Variants in GSG1L2 observed in about 807,000 individuals in gnomAD.
The protein encoded by GSG1L2 is GSG1 like 2, also known as germ cell-specific gene 1-like protein 2.
GSG1L2 carries 15 observed loss-of-function variants against 9.0 expected under a neutral mutation model. That is an observed-to-expected ratio of 1.67 (90% confidence interval 1.12 to 2.57). The LOEUF (loss-of-function observed/expected upper bound fraction) is 2.57. GSG1L2 is among the 30% of genes most tolerant of loss of function. GSG1L2 has a pLI of 0.00. For missense variants in GSG1L2, 286 were observed against 150.3 expected (o/e 1.90, Z -4.72); for synonymous variants, 127 against 57.9 (o/e 2.19, Z -5.41).
chr17:9,808,764 A>T, intron 3 of GSG1L2, 66 bp downstream of exon 3: 1 of 685,434 alleles, frequency 1.5e-6, no homozygotes, highest in Non-Finnish European at 2.7e-6. Flanking sequence ...GGTAATGAGC[A>T]TGTCCAGTCT....
chr17:9,807,200 A>G (rs8065640), intron 4 of GSG1L2, among the ~76,000 whole-genome samples: 113,504 of 152,058 alleles, frequency 0.75, 43,005 homozygotes, highest in East Asian at 0.91. Flanking sequence ...CCCACACTGT[A>G]TTTAAGAACT....
At chr17:9,811,281 G>T (rs376785474) in intron 1 of GSG1L2, among the ~76,000 whole-genome samples, 1 of 152,276 alleles carries the variant, frequency 6.6e-6, no homozygotes, top group East Asian at 1.9e-4. Context: ...TCACGCATTC[G>T]CTTGCATTCC....
At position 9,812,226 on chromosome 17, in the gene GSG1L2, A is replaced by G. The variant is rs140022976; in HGVS notation, c.311-1608T>C. Among the ~76,000 whole-genome samples the G allele has an allele frequency of 6.2e-4, 95 of 152,312 alleles. 1 individual carries two copies. The East Asian group carries it at 0.01, about 17-fold the overall frequency. On this transcript the variant is annotated intron_variant, in intron 1 of 4. Transcript: ENST00000399363. ...CTACCATTGCTGGAAGATTCCAGGA[A>G]CAGAGGGAGTTTAGGGAGCATCTGT...
At chr17:9,810,702 G>A in intron 1 of GSG1L2, 84 bp from the exon 2 acceptor site, 1 of 697,606 alleles carries the variant, frequency 1.4e-6, no homozygotes, top group Admixed American at 2.0e-5. Context: ...CCCTTAACTG[G>A]ATGAGGAATG....
Position 9,802,663 on chromosome 17 carries a change from G to C in GSG1L2, c.624-19C>G, listed in dbSNP as rs370714827. 2.8e-6 allele frequency: 2 copies of C among 702,054 alleles called. No homozygotes were observed. The highest frequency in any genetic ancestry group is 5.2e-6 in the Non-Finnish European group (2 of 384,468). The allele number at this position is 702,054 out of a possible 1,614,324, so 43.5% of individuals were successfully genotyped here. ...GGCAAGGCTGTCAACAGAAGGCACCGTTAGGAAAGGGCTGAGGGCTGTGAT... is the reference window on the plus strand; with the variant it reads ...GGCAAGGCTGTCAACAGAAGGCACCCTTAGGAAAGGGCTGAGGGCTGTGAT... On this transcript the variant is annotated intron_variant, in intron 4 of 4. Transcript: ENST00000399363.
Position 9,817,070 on chromosome 17 carries a change from C to T in GSG1L2, c.310+4692G>A, listed in dbSNP as rs565904190. Among the ~76,000 whole-genome samples, 3 of 143,848 alleles carry T rather than the reference C, an allele frequency of 2.1e-5. No individual in the cohort carries two copies. The South Asian group carries it at 7.3e-4, about 35-fold the overall frequency. The allele number at this position is 143,848 out of a possible 152,430, so 94.4% of individuals were successfully genotyped here. On this transcript the variant is annotated intron_variant, in intron 1 of 4. Coordinates refer to ENST00000399363, the MANE Select transcript of GSG1L2 (RefSeq NM_001310219.2). ...TAGGCTGAGAAGATGCCACCACCAC[C>T]ACCACACACACGCTGAGTTACACAC...
At chr17:9,810,237 C>A in intron 2 of GSG1L2, 1 of 386,794 alleles carries the variant, frequency 2.6e-6, no homozygotes, top group Admixed American at 4.3e-5. Flanking sequence ...TGTGCTGAAG[C>A]TTATCTCAGA....
chr17:9,817,291 A>G (rs1030388645), intron 1 of GSG1L2, among the ~76,000 whole-genome samples: 2 of 152,166 alleles, frequency 1.3e-5, no homozygotes, highest in African/African-American at 4.8e-5. Context: ...TTTTCCTGCC[A>G]GCTGCCTGGT....
At chr17:9,809,940 T>C (rs562110629) in intron 2 of GSG1L2, 1 of 152,718 alleles carries the variant, frequency 6.5e-6, no homozygotes, top group South Asian at 2.1e-4. Flanking sequence ...CATTTGTTTC[T>C]GTGGAAGCCA....
At position 9,800,980 on chromosome 17, in the gene GSG1L2, A is replaced by G. The variant is rs2315577; in HGVS notation, c.*1406T>C. 0.56 allele frequency among the ~76,000 whole-genome samples: 84,815 copies of G among 151,984 alleles called. 24,731 individuals are homozygous for G. Among genetic ancestry groups the G allele is most frequent in the African/African-American group, 0.73 (30,406 of 41,472 alleles). On this transcript the variant is annotated 3_prime_UTR_variant, in exon 5 of 5. Transcript: ENST00000399363. The stretch of plus-strand genomic sequence containing the variant: ...AAACACAAAATTCCACAGAAGCAGC[A>G]TTTGTCAGGCAGGTGCTCACCTTGA...
intron 3 of GSG1L2, 137 bp downstream of exon 3, chr17:9,808,693 T>A: frequency 1.7e-6 from 1 of 587,328 alleles, no homozygotes; most frequent in Non-Finnish European, 3.0e-6. Flanking sequence ...TGGTGACTTA[T>A]CCAGGGGACC....
intron 4 of GSG1L2, among the ~76,000 whole-genome samples, chr17:9,807,048 A>G (rs1290360788): frequency 1.3e-5 from 2 of 152,148 alleles, no homozygotes; most frequent in African/African-American, 2.4e-5. Flanking sequence ...ATCAAAGACA[A>G]CCCCTGTGGT....
intron 1 of GSG1L2, among the ~76,000 whole-genome samples, chr17:9,817,109 C>T (rs548291666): frequency 2.6e-5 from 4 of 152,218 alleles, no homozygotes; most frequent in African/African-American, 7.2e-5. Context: ...CATACACACG[C>T]GAACTGAGTG....
intron 4 of GSG1L2, among the ~76,000 whole-genome samples, chr17:9,805,262 C>T (rs2066512358): frequency 1.3e-5 from 2 of 151,616 alleles, no homozygotes; most frequent in African/African-American, 4.9e-5. Context: ...ATTAAAGGCT[C>T]CCCCCTCCCC....
At position 9,820,249 on chromosome 17, in the gene GSG1L2, G is replaced by A. The variant is rs1446669835; in HGVS notation, c.310+1513C>T. Among the ~76,000 whole-genome samples, 1 of 152,160 alleles carries A rather than the reference G, an allele frequency of 6.6e-6. No homozygotes were observed. Among genetic ancestry groups the A allele is most frequent in the African/African-American group, 2.4e-5 (1 of 41,456 alleles). On this transcript the variant is annotated intron_variant, in intron 1 of 4. Transcript: ENST00000399363. This position sits in a 1 kb window ranked among gnomAD's most constrained non-coding sequence, Gnocchi z 4.9. ...TGATAACTGGTGTGACGCCTATATA[G>A]AGCTGTGGAAACAGAAGTACTATAG...
chr17:9,809,715 A>G (rs2066532028), intron 2 of GSG1L2: 1 of 151,768 alleles, frequency 6.6e-6, no homozygotes, highest in Non-Finnish European at 1.5e-5. Flanking sequence ...AAGACAGAAA[A>G]GTTCCTGATT....
At chr17:9,814,798 G>A (rs1000482761) in intron 1 of GSG1L2, among the ~76,000 whole-genome samples, 1 of 152,224 alleles carries the variant, frequency 6.6e-6, no homozygotes, top group South Asian at 2.1e-4. Flanking sequence ...GACATCCTCT[G>A]TCATTTTGTT....
In GSG1L2 at chr17:9,802,274, AGCTTT is replaced by A; in HGVS notation, c.*107_*111del. The stretch of plus-strand genomic sequence containing the variant: ...TGAGATGTGGAGGGGTGGGGATGGA[AGCTTT>A]CCCTGGACAACAATCTCCTGAAGTC... On this transcript the variant is annotated 3_prime_UTR_variant, in exon 5 of 5. Coordinates refer to ENST00000399363, the MANE Select transcript of GSG1L2 (RefSeq NM_001310219.2). 3 of 575,930 alleles carry A rather than the reference AGCTTT, an allele frequency of 5.2e-6. No individual in the cohort carries two copies. Among genetic ancestry groups the A allele is most frequent in the Non-Finnish European group, 9.3e-6 (3 of 322,962 alleles). The allele number at this position is 575,930 out of a possible 1,614,324, so 35.7% of individuals were successfully genotyped here. A position where few individuals can be genotyped will look rare whatever the true frequency, so the allele number is the denominator to read the frequency against.
At chr17:9,818,247 G>A (rs2066575176) in intron 1 of GSG1L2, among the ~76,000 whole-genome samples, 1 of 152,196 alleles carries the variant, frequency 6.6e-6, no homozygotes, top group African/African-American at 2.4e-5. Flanking sequence ...AGGGCAGAGG[G>A]GGAATCTGCC....
Sources: allele counts gnomAD v4.1 joint callset (sites outside exome capture counted in the v4.1 genomes callset), GRCh38; gene constraint gnomAD v4.1.1; non-coding constraint Gnocchi (gnomAD v3.1); transcripts MANE v1.5; gene names NCBI Gene and HGNC (gene_info 2026-07-23, HGNC 2026-07-21).